The following LIG3 variants were observed in gnomAD, a reference collection of about 807,000 sequenced individuals.
The protein encoded by LIG3 is ligase II, DNA, ATP-dependent.
A neutral mutation model predicts 110.9 loss-of-function variants in LIG3; 58 were observed. The observed-to-expected ratio is 0.52, with a 90% confidence interval of 0.42 to 0.65. The LOEUF (loss-of-function observed/expected upper bound fraction) is 0.65, where lower values mean the gene tolerates loss of function less well. Among genes scored for constraint, LIG3 ranks in the 30% least tolerant of loss-of-function variants. The pLI is 0.00. For synonymous variants in LIG3, 422 were observed against 472.8 expected, an observed-to-expected ratio of 0.89 and a Z score of 1.39; for missense variants, 1,094 against 1,273.8, an observed-to-expected ratio of 0.86 and a Z score of 2.15.
chr17:35,005,485 C>G lies in LIG3; in HGVS notation c.*979C>G. The G allele has an allele frequency of 1.8e-6, 1 of 562,110 alleles. No homozygotes were observed. The highest frequency in any genetic ancestry group is 3.6e-6 in the Non-Finnish European group (1 of 277,586). The allele number at this position is 562,110 out of a possible 1,614,324, so 34.8% of individuals were successfully genotyped here. A position where few individuals can be genotyped will look rare whatever the true frequency, so the allele number is the denominator to read the frequency against. On this transcript the variant is annotated 3_prime_UTR_variant, in exon 20 of 20. Coordinates refer to ENST00000378526, the MANE Select transcript of LIG3 (RefSeq NM_013975.4). The stretch of plus-strand genomic sequence containing the variant: ...GAACCCCCAAGTATTGGCTGATGAA[C>G]GTGGGCATCAGAGGCCAGTAGCTTT...
chr17:34,984,430 A>G (rs2090634964), intron 2 of LIG3, among the ~76,000 whole-genome samples: 2 of 151,938 alleles, frequency 1.3e-5, no homozygotes, highest in Non-Finnish European at 2.9e-5. Context: ...ACCCCTTTAC[A>G]CTGTCCTCTG....
chr17:34,988,542 AAAT>A (rs1211719656), intron 3 of LIG3, among the ~76,000 whole-genome samples: 7 of 152,354 alleles, frequency 4.6e-5, no homozygotes, highest in Admixed American at 4.6e-4. Context: ...TTTGCTTTTT[AAAT>A]GGTCACAAGG....
Position 34,991,120 on chromosome 17 carries a change from AG to A in LIG3, c.1041+8del. 1 of 1,613,804 alleles carries A rather than the reference AG, an allele frequency of 6.2e-7. No individual in the cohort carries two copies. Among genetic ancestry groups the A allele is most frequent in the Non-Finnish European group, 8.5e-7 (1 of 1,179,848 alleles). ...TGGCACGGGACCTAGAGCAGGTCAG[AG>A]GAACGGGAGGGAGGGTAGGCTACAT... On this transcript the variant is annotated splice_region_variant and intron_variant, in intron 5 of 19. Coordinates refer to ENST00000378526, the MANE Select transcript of LIG3 (RefSeq NM_013975.4).
Position 34,999,416 on chromosome 17 carries a change from G to A in LIG3, c.2223G>A (p.Leu741=). The change falls in exon 15 of 20, where the codon CTG becomes CTA. Residue 741 remains leucine (L), a synonymous_variant. Transcript: ENST00000378526. ...ATGATGATGCCACGCTTGCCCGCCT[G>A]CAGAATGAACTAGACATGGTGAAGA... ...GGHDDATLAR[L]QNELDMVKIS... The A allele has an allele frequency of 4.3e-6, 7 of 1,614,132 alleles. No individual in the cohort carries two copies. The highest frequency in any genetic ancestry group is 5.9e-6 in the Non-Finnish European group (7 of 1,179,980).
At chr17:34,991,620 C>A (rs779258864) in intron 5 of LIG3, 51 bp from the exon 6 acceptor site, 2 of 1,594,502 alleles carry the variant, frequency 1.3e-6, no homozygotes, top group Non-Finnish European at 1.7e-6. Context: ...TTGGGGGATA[C>A]ACTTGGCCAC....
intron 19 of LIG3, chr17:35,003,033 A>G (rs1294101924): frequency 6.2e-7 from 1 of 1,614,180 alleles, no homozygotes; most frequent in South Asian, 1.1e-5. Context: ...GAACTGTGCC[A>G]GCAGGCAGGA....
At chr17:34,982,042 C>T (rs1330652507) in intron 1 of LIG3, among the ~76,000 whole-genome samples, 2 of 152,126 alleles carry the variant, frequency 1.3e-5, no homozygotes, top group African/African-American at 4.8e-5. Context: ...GCTGTGTGCC[C>T]AACTGTTTTA....
rs2090820124 is a variant in LIG3, at chr17:34,999,773, C to T, written c.2257-9C>T. ...GGAACAGCCCAAAGTAGCATCTTTT[C>T]TCCTCTAGGACCCCAGCAAAATACC... is the stretch of plus-strand genomic sequence containing the variant. On this transcript the variant is annotated splice_polypyrimidine_tract_variant and intron_variant, in intron 15 of 19. Coordinates refer to ENST00000378526, the MANE Select transcript of LIG3 (RefSeq NM_013975.4). 1 of 1,612,996 alleles carries T rather than the reference C, an allele frequency of 6.2e-7. No individual in the cohort carries two copies. Among genetic ancestry groups the T allele is most frequent in the Admixed American group, 1.7e-5 (1 of 59,998 alleles).
intron 1 of LIG3, 111 bp from the exon 2 acceptor site, chr17:34,982,891 T>C: frequency 1.3e-6 from 1 of 763,694 alleles, no homozygotes; most frequent in Non-Finnish European, 2.0e-6. Flanking sequence ...TTGGAAAGTG[T>C]TTGATTAGTC....
At chr17:35,003,006 C>T in intron 19 of LIG3, 2 of 1,614,166 alleles carry the variant, frequency 1.2e-6, no homozygotes, top group Non-Finnish European at 1.7e-6. Flanking sequence ...GGCGGCCAGC[C>T]AGTGAGCAGA....
chr17:35,000,544 C>G lies in LIG3; in HGVS notation c.2331+688C>G, dbSNP rs533558281. 9.9e-5 allele frequency among the ~76,000 whole-genome samples: 15 copies of G among 152,138 alleles called. No individual in the cohort carries two copies. The South Asian group carries it at 2.9e-3, about 30-fold the overall frequency. ...GGGTGCTGGGATTACAGGCGTGAGCCACTGCACCCAGCCGCCTTTTTGGTT... is the reference window on the plus strand; with the variant it reads ...GGGTGCTGGGATTACAGGCGTGAGCGACTGCACCCAGCCGCCTTTTTGGTT... On this transcript the variant is annotated intron_variant, in intron 16 of 19. Coordinates refer to ENST00000378526, the MANE Select transcript of LIG3 (RefSeq NM_013975.4).
chr17:34,983,509 G>C lies in LIG3; in HGVS notation c.504G>C (p.Glu168Asp). ...EDLTELEGWE[E>D]LEDNEKEQIT... is the part of the protein sequence containing the mutation. Reference sequence around the variant, plus strand: ...TCACAGAGCTGGAAGGCTGGGAAGAGCTGGAAGATAATGAGAAGGAACAGA... The same window carrying C: ...TCACAGAGCTGGAAGGCTGGGAAGACCTGGAAGATAATGAGAAGGAACAGA... Residue 168 changes from glutamate (E) to aspartate (D), a missense_variant, in exon 2 of 20, where the codon GAG (glutamate) becomes GAC (aspartate). By Grantham distance (45) the Glu-to-Asp change is conservative. Coordinates refer to ENST00000378526, the MANE Select transcript of LIG3 (RefSeq NM_013975.4). The C allele has an allele frequency of 6.2e-7, 1 of 1,614,018 alleles. No individual in the cohort carries two copies. The highest frequency in any genetic ancestry group is 2.2e-5 in the East Asian group (1 of 44,892).
chr17:34,992,108 T>G, intron 7 of LIG3, 73 bp downstream of exon 7: 1 of 1,325,790 alleles, frequency 7.5e-7, no homozygotes, highest in African/African-American at 1.4e-5. Flanking sequence ...GTGTCAGGAC[T>G]TTTGAGTCCC....
At position 34,996,201 on chromosome 17, in the gene LIG3, A is replaced by G. The variant is rs1301773305; in HGVS notation, c.1743+6A>G. On this transcript the variant is annotated splice_donor_region_variant and intron_variant, in intron 10 of 19. Transcript: ENST00000378526. ...GGACTCTGGGAGTACACAAGGTACT[A>G]GCTCAGGGCCATATGTGCAAGAATG... The G allele has an allele frequency of 6.2e-7, 1 of 1,613,758 alleles. No homozygotes were observed. The highest frequency in any genetic ancestry group is 1.1e-5 in the South Asian group (1 of 91,046).
In LIG3 at chr17:35,002,090, C is replaced by A; in HGVS notation, c.2660C>A (p.Ser887Tyr). Residue 887 changes from serine to tyrosine, a missense_variant, in exon 18 of 20, where the codon TCC becomes TAC. By Grantham distance (144) the Ser-to-Tyr change is moderately radical. Transcript: ENST00000378526. ...TKKAEGKLSN[S>Y]NSKDGNMQTA... ...AAAGCAGAAGGGAAGCTGAGTAACT[C>A]CAACAGCAAAGATGGTAAGGATAGG... The A allele has an allele frequency of 6.3e-7, 1 of 1,585,312 alleles. No individual in the cohort carries two copies. The highest frequency in any genetic ancestry group is 8.6e-7 in the Non-Finnish European group (1 of 1,166,632).
At position 35,006,559 on chromosome 17, in the gene LIG3, C is replaced by T. The variant is rs1447044076; in HGVS notation, c.*2053C>T. ...TAGTTATCTAGAGTTGGGAACGTCACTCCTGGTGTGCATGTCCAGACCCTA... is the reference window on the plus strand; with the variant it reads ...TAGTTATCTAGAGTTGGGAACGTCATTCCTGGTGTGCATGTCCAGACCCTA... On this transcript the variant is annotated 3_prime_UTR_variant, in exon 20 of 20. Transcript: ENST00000378526. 1.3e-5 allele frequency: 2 copies of T among 152,284 alleles called. No individual in the cohort carries two copies. The highest frequency in any genetic ancestry group is 4.8e-5 in the African/African-American group (2 of 41,454). The allele number at this position is 152,284 out of a possible 1,614,324, so 9.4% of individuals were successfully genotyped here.
Position 35,005,874 on chromosome 17 carries a change from A to C in LIG3, c.*1368A>C. Reference sequence around the variant, plus strand: ...CAGTAAAAGAAATACCTAGCGAAAAAAACAGGAAGCATATTGAAGCTCGGA... The same window carrying C: ...CAGTAAAAGAAATACCTAGCGAAAACAACAGGAAGCATATTGAAGCTCGGA... On this transcript the variant is annotated 3_prime_UTR_variant, in exon 20 of 20. Coordinates refer to ENST00000378526, the MANE Select transcript of LIG3 (RefSeq NM_013975.4). 2.8e-6 allele frequency: 1 copy of C among 356,884 alleles called. No individual in the cohort carries two copies. Among genetic ancestry groups the C allele is most frequent in the South Asian group, 2.3e-5 (1 of 42,882 alleles). The allele number at this position is 356,884 out of a possible 1,614,324, so 22.1% of individuals were successfully genotyped here.
chr17:35,006,625 T>C lies in LIG3; in HGVS notation c.*2119T>C, dbSNP rs1417577099. 6.6e-6 allele frequency: 1 copy of C among 152,244 alleles called. No individual in the cohort carries two copies. The highest frequency in any genetic ancestry group is 1.5e-5 in the Non-Finnish European group (1 of 68,078). The allele number at this position is 152,244 out of a possible 1,614,324, so 9.4% of individuals were successfully genotyped here. On this transcript the variant is annotated 3_prime_UTR_variant, in exon 20 of 20. Transcript: ENST00000378526. ...TAACCTATGACTTTAGAACCCTCAG[T>C]TGCAGGTGTGCATGTTCCAGCCAAC...
At chr17:34,998,465 C>T (rs946056206) in intron 13 of LIG3, 139 bp from the exon 14 acceptor site, 6 of 1,173,838 alleles carry the variant, frequency 5.1e-6, no homozygotes, top group Admixed American at 2.0e-5. Context: ...TTGTGTGTCT[C>T]CTATAGTGCC....
Sources: gnomAD v4.1 joint callset for allele counts (sites outside exome capture counted in the v4.1 genomes callset) on GRCh38, gnomAD v4.1.1 for gene constraint, MANE v1.5 for transcripts, NCBI Gene and HGNC (gene_info 2026-07-23, HGNC 2026-07-21) for gene names.